SPAG16: variants seen among roughly 807,000 people sequenced by gnomAD.
SPAG16 encodes sperm associated antigen 16, also known as sperm-associated antigen 16 protein.
Under a neutral mutation model 80.4 loss-of-function variants are expected in SPAG16, and 86 were observed. That is an observed-to-expected ratio of 1.07 (90% confidence interval 0.90 to 1.28). SPAG16 has a LOEUF of 1.28. SPAG16 is among the 50% of genes most tolerant of loss of function. SPAG16 has a pLI of 0.00. For synonymous variants in SPAG16, 294 were observed against 265.9 expected (o/e 1.11, Z -1.03); for missense variants, 870 against 765.3 (o/e 1.14, Z -1.61).
At chr2:213,628,389 T>TG (rs1282507296) in intron 10 of SPAG16, among the ~76,000 whole-genome samples, 1 of 152,224 alleles carries the variant, frequency 6.6e-6, no homozygotes, top group African/African-American at 2.4e-5. Context: ...AAATTACAGC[T>TG]GGTCCTTTGC....
At chr2:213,497,351 T>C (rs1007932065) in intron 10 of SPAG16, among the ~76,000 whole-genome samples, 11 of 152,118 alleles carry the variant, frequency 7.2e-5, no homozygotes, top group Non-Finnish European at 1.5e-4. Flanking sequence ...TTTAGAGCCA[T>C]TGCATGTGTT....
intron 13 of SPAG16, among the ~76,000 whole-genome samples, chr2:214,029,217 A>G (rs1474578855): frequency 1.3e-5 from 2 of 152,064 alleles, no homozygotes; most frequent in Admixed American, 1.3e-4. Flanking sequence ...CTGCAAGTAC[A>G]AAAACTCAGG....
At chr2:213,489,176 C>A (rs897089975) in intron 9 of SPAG16, among the ~76,000 whole-genome samples, 1 of 151,692 alleles carries the variant, frequency 6.6e-6, no homozygotes, top group African/African-American at 2.4e-5. Context: ...ATGATATGAG[C>A]CTTCTCTCAG....
intron 10 of SPAG16, among the ~76,000 whole-genome samples, chr2:213,511,872 TA>T (rs2125816790): frequency 6.6e-6 from 1 of 152,230 alleles, no homozygotes; most frequent in African/African-American, 2.4e-5. Context: ...TACAAAAGCA[TA>T]TTTTTTTTCA....
Position 213,639,783 on chromosome 2 carries a change from A to G in SPAG16, c.1070+149693A>G, listed in dbSNP as rs151063109. Among the ~76,000 whole-genome samples the G allele has an allele frequency of 4.3e-3, 652 of 152,274 alleles. 4 individuals are homozygous for G. Among genetic ancestry groups the G allele is most frequent in the African/African-American group, 0.014 (601 of 41,556 alleles). On this transcript the variant is annotated intron_variant, in intron 10 of 15. Coordinates refer to ENST00000331683, the MANE Select transcript of SPAG16 (RefSeq NM_024532.5). ...TTGAGCTTCTTGTACTTGGATGTCT[A>G]TATTTCTAGCTAGGCCAGGGATGTT...
intron 15 of SPAG16, among the ~76,000 whole-genome samples, chr2:214,231,891 T>A (rs541227535): frequency 6.6e-6 from 1 of 152,260 alleles, no homozygotes. Flanking sequence ...AAATTTTAAA[T>A]GGTTTCTTTT....
intron 10 of SPAG16, among the ~76,000 whole-genome samples, chr2:213,668,315 CT>C (rs35863253): frequency 0.42 from 60,964 of 144,972 alleles, 13,227 homozygotes; most frequent in African/African-American, 0.57. Flanking sequence ...CATATGGGTG[CT>C]TTTTTTTTTT....
At chr2:213,400,612 A>T (rs1029066752) in intron 9 of SPAG16, among the ~76,000 whole-genome samples, 1 of 152,186 alleles carries the variant, frequency 6.6e-6, no homozygotes, top group Non-Finnish European at 1.5e-5. Flanking sequence ...TGTAGTTTTC[A>T]TGATATAGCT....
intron 10 of SPAG16, among the ~76,000 whole-genome samples, chr2:213,541,429 G>A (rs781435358): frequency 6.6e-6 from 1 of 152,058 alleles, no homozygotes; most frequent in Non-Finnish European, 1.5e-5. Context: ...GACCAGCCTG[G>A]CCAACATGGT....
At chr2:213,436,829 G>A (rs535423104) in intron 9 of SPAG16, among the ~76,000 whole-genome samples, 1 of 151,940 alleles carries the variant, frequency 6.6e-6, no homozygotes, top group Non-Finnish European at 1.5e-5. Flanking sequence ...TGGCACTCCT[G>A]TAATAAATCT....
chr2:213,285,214 C>T (rs953729667), intron 1 of SPAG16, among the ~76,000 whole-genome samples: 2 of 151,814 alleles, frequency 1.3e-5, no homozygotes, highest in African/African-American at 4.8e-5. Context: ...TTTTCTTGAG[C>T]AAATAAATAA....
chr2:214,108,485 A>C (rs1404895706), intron 14 of SPAG16, among the ~76,000 whole-genome samples: 2 of 145,898 alleles, frequency 1.4e-5, no homozygotes, highest in South Asian at 4.6e-4. Flanking sequence ...ACACACCCCC[A>C]CACACACCCC....
At chr2:214,108,737 T>C (rs73987179) in intron 14 of SPAG16, among the ~76,000 whole-genome samples, 2,874 of 152,328 alleles carry the variant, frequency 0.019, 95 homozygotes, top group African/African-American at 0.066. Context: ...CAGCTTTGAT[T>C]TGACAGCTTT....
intron 3 of SPAG16, among the ~76,000 whole-genome samples, chr2:213,301,285 C>T (rs994488084): frequency 6.6e-6 from 1 of 152,088 alleles, no homozygotes; most frequent in Non-Finnish European, 1.5e-5. Context: ...GCCATGTCTA[C>T]AGATTATCCA....
At chr2:214,162,140 G>A (rs2056465314) in intron 15 of SPAG16, among the ~76,000 whole-genome samples, 1 of 152,082 alleles carries the variant, frequency 6.6e-6, no homozygotes. Context: ...TCCCTTATCA[G>A]AAAGCTTCAG....
chr2:214,288,787 G>A (rs867668822), intron 15 of SPAG16, among the ~76,000 whole-genome samples: 1 of 6,624 alleles, frequency 1.5e-4, no homozygotes, highest in Non-Finnish European at 4.3e-4. Flanking sequence ...TTATTTATTT[G>A]AGACGTTGTC....
intron 13 of SPAG16, among the ~76,000 whole-genome samples, chr2:214,096,350 C>A (rs920618123): frequency 6.6e-6 from 1 of 151,596 alleles, no homozygotes; most frequent in Non-Finnish European, 1.5e-5. Context: ...TTTGATGCTG[C>A]CTGTTTAACT....
At position 214,209,021 on chromosome 2, in the gene SPAG16, C is replaced by A. The variant is rs566386181; in HGVS notation, c.1720+59755C>A. The stretch of plus-strand genomic sequence containing the variant: ...TCTGTTTTTTGTTATTATTATTAGT[C>A]TTTTATCATTATTTTTTCTGGCTGC... On this transcript the variant is annotated intron_variant, in intron 15 of 15. Transcript: ENST00000331683. 4.6e-5 allele frequency among the ~76,000 whole-genome samples: 7 copies of A among 152,072 alleles called. No individual in the cohort carries two copies. The South Asian group carries it at 1.2e-3, about 27-fold the overall frequency.
At chr2:214,374,866 G>T (rs1700037610) in intron 15 of SPAG16, among the ~76,000 whole-genome samples, 1 of 152,166 alleles carries the variant, frequency 6.6e-6, no homozygotes, top group Non-Finnish European at 1.5e-5. Flanking sequence ...AGGGCACTGT[G>T]TCTTTTATTT....
Sources: allele counts gnomAD v4.1 joint callset (sites outside exome capture counted in the v4.1 genomes callset), GRCh38; gene constraint gnomAD v4.1.1; transcripts MANE v1.5; gene names NCBI Gene and HGNC (gene_info 2026-07-23, HGNC 2026-07-21).